The following SYCP2L variants were observed in gnomAD, a reference collection of about 807,000 sequenced individuals.
The protein encoded by SYCP2L is synaptonemal complex protein 2 like.
In SYCP2L, 98 loss-of-function variants were observed where a neutral mutation model predicts 125.8. That is an observed-to-expected ratio of 0.78 (90% CI 0.66 to 0.92). The LOEUF is 0.92. Ranked by LOEUF, SYCP2L falls within the 40% of genes least tolerant of loss-of-function variation. SYCP2L has a pLI of 0.00. For synonymous variants in SYCP2L, 317 were observed against 325.4 expected, an observed-to-expected ratio of 0.97 and a Z score of 0.28; for missense variants, 842 against 936.4, an observed-to-expected ratio of 0.90 and a Z score of 1.32.
At position 10,930,463 on chromosome 6, in the gene SYCP2L, C is replaced by G; in HGVS notation, c.1582C>G (p.Leu528Val). 1 of 1,613,532 alleles carries G rather than the reference C, an allele frequency of 6.2e-7. No individual in the cohort carries two copies. The change falls in exon 19 of 30, where the codon CTA becomes GTA. Residue 528 changes from leucine to valine, a missense_variant. By Grantham distance (32) the Leu-to-Val change is conservative. Transcript: ENST00000283141. The part of the protein sequence containing the change: ...SWTSNQKKKS[L>V]KSYSSRKKTR... Reference sequence around the variant, plus strand: ...GACCAGTAACCAGAAAAAGAAATCCCTAAAATCATATTCCAGTAGAAAGAA... The same window carrying G: ...GACCAGTAACCAGAAAAAGAAATCCGTAAAATCATATTCCAGTAGAAAGAA...
chr6:10,945,917 CTG>C (rs1368114654), intron 23 of SYCP2L, among the ~76,000 whole-genome samples: 1 of 151,644 alleles, frequency 6.6e-6, no homozygotes, highest in East Asian at 1.9e-4. Flanking sequence ...GTCTTGAAGT[CTG>C]TTTATTTCGT....
chr6:10,925,708 G>A (rs1780884171), intron 15 of SYCP2L, among the ~76,000 whole-genome samples: 1 of 152,108 alleles, frequency 6.6e-6, no homozygotes. Context: ...TTATTTTAAT[G>A]ACATGGTCTT....
chr6:10,970,704 A>G (rs574664410), intron 29 of SYCP2L, among the ~76,000 whole-genome samples: 1 of 152,302 alleles, frequency 6.6e-6, no homozygotes, highest in Admixed American at 6.5e-5. Context: ...GGTGAGATTC[A>G]GGACATGCAT....
chr6:10,957,237 G>C (rs961244152), intron 25 of SYCP2L, among the ~76,000 whole-genome samples: 2 of 152,208 alleles, frequency 1.3e-5, no homozygotes, highest in Non-Finnish European at 2.9e-5. Context: ...TATCAATGCT[G>C]TTGTTGACCT....
intron 23 of SYCP2L, among the ~76,000 whole-genome samples, chr6:10,953,068 A>T (rs892675003): frequency 1.3e-5 from 2 of 152,194 alleles, no homozygotes; most frequent in African/African-American, 4.8e-5. Context: ...AGTTTATGAA[A>T]GTACTATTAT....
chr6:10,921,541 G>A (rs1780799997), intron 14 of SYCP2L, among the ~76,000 whole-genome samples: 2 of 152,098 alleles, frequency 1.3e-5, no homozygotes, highest in African/African-American at 4.8e-5. Flanking sequence ...GCCAGCATCT[G>A]TTGTTTGACT....
At chr6:10,895,412 A>G (rs6900378) in intron 4 of SYCP2L, among the ~76,000 whole-genome samples, 19,559 of 152,146 alleles carry the variant, frequency 0.13, 2,958 homozygotes, top group African/African-American at 0.36. Context: ...CGGGTCGTAC[A>G]ATCTAATTCC....
chr6:10,947,701 T>C (rs1781340619), intron 23 of SYCP2L, among the ~76,000 whole-genome samples: 1 of 152,116 alleles, frequency 6.6e-6, no homozygotes, highest in Non-Finnish European at 1.5e-5. Context: ...CAAAAAATGA[T>C]AGATTCTTTC....
At chr6:10,892,860 C>A (rs1300332308) in intron 2 of SYCP2L, among the ~76,000 whole-genome samples, 1 of 152,026 alleles carries the variant, frequency 6.6e-6, no homozygotes, top group Non-Finnish European at 1.5e-5. Context: ...TAATTCAGTA[C>A]TAAGAATAAG....
intron 18 of SYCP2L, chr6:10,929,938 T>C (rs941160629): frequency 1.3e-5 from 2 of 154,088 alleles, no homozygotes; most frequent in African/African-American, 4.8e-5. Context: ...AGACTCCATC[T>C]CAAAAAAAAG....
At chr6:10,925,879 T>G (rs73446329) in intron 15 of SYCP2L, among the ~76,000 whole-genome samples, 35,253 of 152,028 alleles carry the variant, frequency 0.23, 4,805 homozygotes, top group East Asian at 0.38. Flanking sequence ...TTTCACAAAA[T>G]GAATAATAAC....
At chr6:10,898,753 T>C in intron 5 of SYCP2L, 71 bp from the exon 6 acceptor site, 1 of 1,020,060 alleles carries the variant, frequency 9.8e-7, no homozygotes, top group Non-Finnish European at 1.5e-6. Context: ...TTAACACTAA[T>C]ACATTCACAT....
intron 21 of SYCP2L, among the ~76,000 whole-genome samples, chr6:10,937,336 C>T (rs1328353669): frequency 6.6e-6 from 1 of 151,840 alleles, no homozygotes; most frequent in African/African-American, 2.4e-5. Context: ...CAACACACTC[C>T]CGAATAACCA....
intron 21 of SYCP2L, among the ~76,000 whole-genome samples, 153 bp from the exon 22 acceptor site, chr6:10,942,306 C>T (rs1024286473): frequency 7.9e-5 from 12 of 152,212 alleles, no homozygotes; most frequent in African/African-American, 1.7e-4. Flanking sequence ...AAAAAGAATT[C>T]GTGTCCCGAA....
At chr6:10,889,249 C>G (rs1780135162) in intron 1 of SYCP2L, among the ~76,000 whole-genome samples, 1 of 152,142 alleles carries the variant, frequency 6.6e-6, no homozygotes, top group Admixed American at 6.5e-5. Flanking sequence ...GGTTCTTTTT[C>G]TTTGCCTTTA....
intron 26 of SYCP2L, among the ~76,000 whole-genome samples, chr6:10,959,868 T>TAAAA (rs1781568159): frequency 1.4e-5 from 1 of 70,462 alleles, no homozygotes; most frequent in Non-Finnish European, 2.9e-5. Flanking sequence ...AAACTCTGTC[T>TAAAA]CAAAAAAAAA....
At chr6:10,951,810 G>A (rs372320569) in intron 23 of SYCP2L, among the ~76,000 whole-genome samples, 226 of 152,288 alleles carry the variant, frequency 1.5e-3, no homozygotes, top group African/African-American at 5.1e-3. Context: ...ACTTAGGGGA[G>A]CTTGGCTGTT....
At chr6:10,891,613 CTGTGTGTGTG>C (rs3066124) in intron 2 of SYCP2L, 32 bp downstream of exon 2, 5,544 of 118,776 alleles carry the variant, frequency 0.047, 177 homozygotes, top group African/African-American at 0.14. Context: ...TAATCTCTCT[CTGTGTGTGTG>C]TGTGTGTGTG....
In SYCP2L at chr6:10,926,340, T is replaced by C. The variant is rs201716088; in HGVS notation, c.1220T>C (p.Met407Thr). ...GTTGACCTTTGTCTTGCATTTCAGA[T>C]GTTGCCTGACCAGACGAAAATCTCC... Reference protein sequence around the residue: ...SIQALGEDKQMLPDQTKISSE... With the variant: ...SIQALGEDKQTLPDQTKISSE... The change falls in exon 16 of 30, where the codon ATG (methionine) becomes ACG (threonine). Residue 407 changes from methionine (M) to threonine (T), a missense_variant and splice_region_variant. By Grantham distance (81) the Met-to-Thr change is moderately conservative. Coordinates refer to ENST00000283141, the MANE Select transcript of SYCP2L (RefSeq NM_001040274.3). 1.5e-4 allele frequency: 240 copies of C among 1,612,160 alleles called. No individual in the cohort carries two copies. Among genetic ancestry groups the C allele is most frequent in the Non-Finnish European group, 1.2e-5 (14 of 1,178,952 alleles).
Sources: allele counts gnomAD v4.1 joint callset (sites outside exome capture counted in the v4.1 genomes callset), GRCh38; gene constraint gnomAD v4.1.1; transcripts MANE v1.5; gene names NCBI Gene and HGNC (gene_info 2026-07-23, HGNC 2026-07-21).